AKAP11: variants seen among roughly 807,000 people sequenced by gnomAD.
AKAP11 encodes A-kinase anchor protein 11.
Under a neutral mutation model 146.1 loss-of-function variants are expected in AKAP11, and 36 were observed. The ratio of observed to expected loss-of-function variants is 0.25; its 90% confidence interval spans 0.19 to 0.33. The LOEUF is 0.33. Among genes scored for constraint, AKAP11 ranks in the 10% least tolerant of loss-of-function variants. The pLI is 1.00. For synonymous variants in AKAP11, 780 were observed against 786.5 expected (o/e 0.99, Z 0.14); for missense variants, 2,201 against 2,197.0 (o/e 1.00, Z -0.04).
At chr13:42,282,807 C>T (rs1263118235) in intron 1 of AKAP11, among the ~76,000 whole-genome samples, 1 of 152,180 alleles carries the variant, frequency 6.6e-6, no homozygotes, top group Non-Finnish European at 1.5e-5. Context: ...CTCTCATCTG[C>T]TTTTTTCCAA....
chr13:42,295,806 C>A, intron 5 of AKAP11, 64 bp downstream of exon 5: 1 of 1,474,924 alleles, frequency 6.8e-7, no homozygotes, highest in South Asian at 1.2e-5. Context: ...TAGGTTTGAC[C>A]ACAAAAGTCA....
Position 42,300,392 on chromosome 13 carries a change from G to A in AKAP11, c.1646G>A (p.Ser549Asn). The A allele has an allele frequency of 2.5e-6, 4 of 1,610,820 alleles. No individual in the cohort carries two copies. Among genetic ancestry groups the A allele is most frequent in the East Asian group, 2.2e-5 (1 of 44,886 alleles). Reference sequence around the variant, plus strand: ...AATAAATCCTTAATGATTAAAGATAGCATTCAAAAATTTGCAGCAGATCTT... The same window carrying A: ...AATAAATCCTTAATGATTAAAGATAACATTCAAAAATTTGCAGCAGATCTT... ...SKNKSLMIKD[S>N]IQKFAADLVE... The change falls in exon 8 of 13, where the codon AGC becomes AAC. Residue 549 changes from serine (S) to asparagine (N), a missense_variant. Physicochemically the swap from Ser to Asn is conservative, Grantham distance 46. Around this residue, in one of 3 missense-constraint regions of AKAP11, gnomAD observed 1,867 missense variants for 1,833.5 expected, o/e 1.02. Coordinates refer to ENST00000025301, the MANE Select transcript of AKAP11 (RefSeq NM_016248.4).
rs1959834904 is a variant in AKAP11 at position 42,300,788 on chromosome 13, T to C, written c.2042T>C (p.Phe681Ser). ...PASPQCGSFD[F>S]EDKVVKLYAK... is the part of the protein sequence containing the mutation. ...TCTCCACAGTGTGGGTCGTTTGACT[T>C]TGAAGACAAAGTAGTGAAGTTGTAT... Residue 681 changes from phenylalanine (F) to serine (S), a missense_variant, in exon 8 of 13, where the codon TTT becomes TCT. Transcript: ENST00000025301. 10 of 1,614,044 alleles carry C rather than the reference T, an allele frequency of 6.2e-6. No homozygotes were observed. Among genetic ancestry groups the C allele is most frequent in the Non-Finnish European group, 8.5e-6 (10 of 1,179,996 alleles).
chr13:42,276,232 G>T (rs1259848781), intron 1 of AKAP11, among the ~76,000 whole-genome samples: 2 of 151,732 alleles, frequency 1.3e-5, no homozygotes, highest in African/African-American at 4.8e-5. Flanking sequence ...TTCTTTTTTT[G>T]GGTATTATTA....
rs190075552 is a variant in AKAP11 at position 42,312,905 on chromosome 13, A to G, written c.5274-142A>G. The G allele has an allele frequency of 1.4e-3, 956 of 671,494 alleles. 6 individuals carry two copies. Among genetic ancestry groups the G allele is most frequent in the African/African-American group, 0.011 (563 of 53,618 alleles). 41.6% of individuals were successfully genotyped at this position (671,494 alleles called of 1,614,324 possible). A position where few individuals can be genotyped will look rare whatever the true frequency, so the allele number is the denominator to read the frequency against. ...CCTTTTAGCATAGGAGTGATGGTCA[A>G]TCTCCTCTCTGGATGTTCCCCTTCA... On this transcript the variant is annotated intron_variant, in intron 9 of 12. Coordinates refer to ENST00000025301, the MANE Select transcript of AKAP11 (RefSeq NM_016248.4).
intron 6 of AKAP11, among the ~76,000 whole-genome samples, chr13:42,297,407 C>T (rs1045051456): frequency 1.1e-4 from 16 of 151,612 alleles, no homozygotes; most frequent in East Asian, 5.8e-4. Context: ...TGTGAAGTTC[C>T]GTAGATGGTA....
intron 1 of AKAP11, among the ~76,000 whole-genome samples, chr13:42,279,261 A>ACC (rs1443819910): frequency 8.5e-6 from 1 of 117,076 alleles, no homozygotes; most frequent in African/African-American, 3.3e-5. Flanking sequence ...GCACGTGCAC[A>ACC]CCCACACACA....
chr13:42,274,441 T>C (rs552005571), intron 1 of AKAP11, among the ~76,000 whole-genome samples: 10 of 152,214 alleles, frequency 6.6e-5, no homozygotes, highest in Admixed American at 1.3e-4. Flanking sequence ...CCCAGGACTT[T>C]AGGAGGCTGA....
At chr13:42,274,702 A>C (rs1845595521) in intron 1 of AKAP11, among the ~76,000 whole-genome samples, 1 of 152,090 alleles carries the variant, frequency 6.6e-6, no homozygotes, top group Non-Finnish European at 1.5e-5. Flanking sequence ...AACAACAAAA[A>C]ACTTCTGGAG....
intron 3 of AKAP11, among the ~76,000 whole-genome samples, chr13:42,288,939 G>A (rs750430166): frequency 2.6e-5 from 4 of 152,182 alleles, no homozygotes; most frequent in Middle Eastern, 3.2e-3. Context: ...ATAGGGTGAT[G>A]TGAGGACAGA....
chr13:42,298,366 G>A (rs1434270807), intron 6 of AKAP11, among the ~76,000 whole-genome samples, 167 bp from the exon 7 acceptor site: 2 of 152,102 alleles, frequency 1.3e-5, no homozygotes, highest in African/African-American at 2.4e-5. Context: ...AGTGAAAAAT[G>A]TAGAGAAAGA....
chr13:42,279,045 T>C (rs1412979435), intron 1 of AKAP11, among the ~76,000 whole-genome samples: 3 of 151,996 alleles, frequency 2.0e-5, no homozygotes, highest in Non-Finnish European at 4.4e-5. Context: ...TAATGTGTAC[T>C]TTTTTTCTGG....
chr13:42,302,110 A>G lies in AKAP11; in HGVS notation c.3364A>G (p.Lys1122Glu). The G allele has an allele frequency of 6.2e-7, 1 of 1,614,212 alleles. No homozygotes were observed. ...TGAATGGGATATCAAGAAGTTAACT[A>G]AAAAGCTCAAGGGAGAATTAGCCAA... ...SSEWDIKKLT[K>E]KLKGELAKEF... Residue 1122 changes from lysine to glutamate, a missense_variant, in exon 8 of 13, where the codon AAA (lysine) becomes GAA (glutamate). Coordinates refer to ENST00000025301, the MANE Select transcript of AKAP11 (RefSeq NM_016248.4).
chr13:42,277,173 T>G (rs751444521), intron 1 of AKAP11, among the ~76,000 whole-genome samples: 5 of 152,254 alleles, frequency 3.3e-5, no homozygotes, highest in Non-Finnish European at 1.5e-5. Context: ...GTTGAAAATA[T>G]TTTTGAAAGT....
At chr13:42,279,192 G>C (rs1469407002) in intron 1 of AKAP11, among the ~76,000 whole-genome samples, 3 of 148,106 alleles carry the variant, frequency 2.0e-5, no homozygotes, top group Non-Finnish European at 3.0e-5. Context: ...AATTTGGGAA[G>C]TTCTCTGCTA....
rs994279675 is a variant in AKAP11 at position 42,321,807 on chromosome 13, C to G, written c.*2579C>G. 1 of 152,084 alleles carries G rather than the reference C, an allele frequency of 6.6e-6. No homozygotes were observed. The highest frequency in any genetic ancestry group is 2.4e-5 in the African/African-American group (1 of 41,374). The allele number at this position is 152,084 out of a possible 1,614,324, so 9.4% of individuals were successfully genotyped here. On this transcript the variant is annotated 3_prime_UTR_variant, in exon 13 of 13. Coordinates refer to ENST00000025301, the MANE Select transcript of AKAP11 (RefSeq NM_016248.4). Reference sequence around the variant, plus strand: ...ATATTGCTGTGCTGTACATTTTGGCCCTTACGAAATACGTCTTTTTCAGAA... The same window carrying G: ...ATATTGCTGTGCTGTACATTTTGGCGCTTACGAAATACGTCTTTTTCAGAA...
chr13:42,304,890 A>C (rs949455848), intron 8 of AKAP11, among the ~76,000 whole-genome samples: 1 of 152,036 alleles, frequency 6.6e-6, no homozygotes, highest in African/African-American at 2.4e-5. Context: ...AGCTGGGATT[A>C]CAGGCACCCA....
Position 42,301,825 on chromosome 13 carries a change from C to T in AKAP11, c.3079C>T (p.Pro1027Ser). The T allele has an allele frequency of 6.2e-7, 1 of 1,614,116 alleles. No homozygotes were observed. The highest frequency in any genetic ancestry group is 8.5e-7 in the Non-Finnish European group (1 of 1,180,008). Residue 1027 changes from proline (P) to serine (S), a missense_variant, in exon 8 of 13, where the codon CCA becomes TCA. Pro to Ser is a moderately conservative substitution (Grantham distance 74). Transcript: ENST00000025301. Reference protein sequence around the residue: ...GSSLETLPSCPAVTGQKSDLK... With the variant: ...GSSLETLPSCSAVTGQKSDLK... ...CTCCCTAGAGACACTGCCATCTTGT[C>T]CAGCTGTGACAGGTCAGAAATCTGA...
At chr13:42,279,382 C>T (rs980377688) in intron 1 of AKAP11, among the ~76,000 whole-genome samples, 5 of 152,136 alleles carry the variant, frequency 3.3e-5, no homozygotes, top group Non-Finnish European at 5.9e-5. Context: ...TTACACTCTA[C>T]GTTTGTTTTT....
Sources: gnomAD v4.1 joint callset for allele counts (sites outside exome capture counted in the v4.1 genomes callset) on GRCh38, gnomAD v4.1.1 for gene constraint, gnomAD v4.1.1 regional missense constraint, MANE v1.5 for transcripts, NCBI Gene and HGNC (gene_info 2026-07-23, HGNC 2026-07-21) for gene names.